Variants in CHURC1 observed in about 807,000 individuals in gnomAD.
CHURC1 encodes the protein churchill domain containing 1.
Under a neutral mutation model 15.4 loss-of-function variants are expected in CHURC1, and 12 were observed. That is an observed-to-expected ratio of 0.78 (90% confidence interval 0.50 to 1.27). CHURC1 has a LOEUF of 1.27. Among genes scored for constraint, CHURC1 ranks in the 50% most tolerant of loss-of-function variants. The probability of loss-of-function intolerance (pLI) is 0.00; values close to 1 mark genes in which losing one functional copy is unlikely to be tolerated. For missense variants in CHURC1, 132 were observed against 137.8 expected (o/e 0.96, Z 0.21); for synonymous variants, 42 against 47.5 (o/e 0.88, Z 0.48).
intron 1 of CHURC1, among the ~76,000 whole-genome samples, chr14:64,916,374 G>C (rs1391694505): frequency 2.6e-5 from 4 of 152,032 alleles, no homozygotes; most frequent in Non-Finnish European, 4.4e-5. Context: ...TTCTTGATTT[G>C]GGTGGTGGTT....
intron 3 of CHURC1, 34 bp downstream of exon 3, chr14:64,926,114 G>A (rs1310866545): frequency 1.4e-6 from 2 of 1,422,512 alleles, no homozygotes; most frequent in South Asian, 2.7e-5. Context: ...TATAAATATG[G>A]GGAGGTTAGG....
At chr14:64,930,828 G>A (rs1226580218) in intron 3 of CHURC1, 3 of 455,028 alleles carry the variant, frequency 6.6e-6, no homozygotes, top group African/African-American at 6.0e-5. Context: ...ATGCCTGGTG[G>A]GTTGAAGCAG....
At chr14:64,918,570 G>A (rs1884057209) in intron 1 of CHURC1, among the ~76,000 whole-genome samples, 1 of 152,184 alleles carries the variant, frequency 6.6e-6, no homozygotes, top group Non-Finnish European at 1.5e-5. Context: ...GCTCACACGT[G>A]TAATCCTAAC....
At chr14:64,918,536 G>GGA (rs1184954478) in intron 1 of CHURC1, among the ~76,000 whole-genome samples, 1 of 152,200 alleles carries the variant, frequency 6.6e-6, no homozygotes, top group African/African-American at 2.4e-5. Context: ...AGGGTAATAA[G>GGA]AAGATGGTGG....
In CHURC1 at chr14:64,934,009, G is replaced by A; in HGVS notation, c.*1779G>A. ...TTTATATTCACTATTCTTTATTTCA[G>A]TGTAGCACTTTTAGAGCCAAAAAAA... is the stretch of plus-strand genomic sequence containing the variant. On this transcript the variant is annotated 3_prime_UTR_variant, in exon 4 of 4. Transcript: ENST00000549115. The A allele has an allele frequency of 3.1e-6, 3 of 981,760 alleles. No individual in the cohort carries two copies. The highest frequency in any genetic ancestry group is 3.6e-6 in the Non-Finnish European group (3 of 829,386). The allele number at this position is 981,760 out of a possible 1,614,324, so 60.8% of individuals were successfully genotyped here.
rs1884674969 is a variant in CHURC1, at chr14:64,926,049, AG to A, written c.216del (p.Glu72AspfsTer37). The A allele has an allele frequency of 6.2e-7, 1 of 1,603,106 alleles. No homozygotes were observed. Among genetic ancestry groups the A allele is most frequent in the African/African-American group, 1.3e-5 (1 of 74,472 alleles). On this transcript the variant is annotated frameshift_variant, in exon 3 of 4. Transcript: ENST00000549115. LOFTEE classifies it high-confidence loss of function. ...TGTCATCATGTAATAGCCAGACATGAGTATACATTCAGTATCATGGATGAAT... is the reference window on the plus strand; with the variant it reads ...TGTCATCATGTAATAGCCAGACATGATATACATTCAGTATCATGGATGAAT... ...KNCHHVIARHEYTFSIMDEFQ... is the reference protein window; with the variant it reads ...KNCHHVIARHXYTFSIMDEFQ...
intron 2 of CHURC1, among the ~76,000 whole-genome samples, chr14:64,925,020 G>A (rs563712319): frequency 2.2e-4 from 34 of 152,178 alleles, no homozygotes; most frequent in Non-Finnish European, 4.1e-4. Context: ...TCTTTAAGCT[G>A]TATTTCATTC....
intron 3 of CHURC1, among the ~76,000 whole-genome samples, chr14:64,927,725 C>CG (rs1555383712): frequency 9.1e-6 from 1 of 109,374 alleles, no homozygotes; most frequent in African/African-American, 3.7e-5. Context: ...CACCCCCCCC[C>CG]CCGCCGTCAA....
intron 1 of CHURC1, among the ~76,000 whole-genome samples, chr14:64,921,361 A>G (rs1356241592): frequency 6.6e-6 from 1 of 152,200 alleles, no homozygotes; most frequent in African/African-American, 2.4e-5. Context: ...ATGAAAATCA[A>G]AACTTGTTTG....
At chr14:64,922,031 G>C (rs1884341526) in intron 1 of CHURC1, among the ~76,000 whole-genome samples, 1 of 152,178 alleles carries the variant, frequency 6.6e-6, no homozygotes. Flanking sequence ...TACTGATTCT[G>C]TTTATATAAA....
In CHURC1 at chr14:64,923,990, G is replaced by A. The variant is rs899583275; in HGVS notation, c.40-1G>A. 6 of 1,547,020 alleles carry A rather than the reference G, an allele frequency of 3.9e-6. No homozygotes were observed. The Admixed American group carries it at 9.7e-5, about 25-fold the overall frequency. On this transcript the variant is annotated splice_acceptor_variant, in intron 1 of 3. Transcript: ENST00000549115. LOFTEE classifies it high-confidence loss of function. ...TTAAATTCCTGTTTCTGATATTTTA[G>A]GGTAATACCTGCCTGGAGAATGGAT...
In CHURC1 at chr14:64,923,975, GT is replaced by G. The variant is rs1884500294; in HGVS notation, c.40-13del. 6.7e-7 allele frequency: 1 copy of G among 1,495,478 alleles called. No individual in the cohort carries two copies. The highest frequency in any genetic ancestry group is 2.2e-5 in the Admixed American group (1 of 45,456). 92.6% of individuals were successfully genotyped at this position (1,495,478 alleles called of 1,614,324 possible). A position where few individuals can be genotyped will look rare whatever the true frequency, so the allele number is the denominator to read the frequency against. ...TGAAATGTAAAGAAATTAAATTCCT[GT>G]TTCTGATATTTTAGGGTAATACCTG... On this transcript the variant is annotated splice_polypyrimidine_tract_variant and intron_variant, in intron 1 of 3. Coordinates refer to ENST00000549115, the MANE Select transcript of CHURC1 (RefSeq NM_001386928.1).
chr14:64,927,386 C>T (rs1471298458), intron 3 of CHURC1, among the ~76,000 whole-genome samples: 2 of 152,168 alleles, frequency 1.3e-5, no homozygotes, highest in African/African-American at 4.8e-5. Context: ...CTTAAAGAAA[C>T]AGTCCTATTC....
Position 64,932,736 on chromosome 14 carries a change from T to G in CHURC1, c.*506T>G, listed in dbSNP as rs1885149486. On this transcript the variant is annotated 3_prime_UTR_variant, in exon 4 of 4. Coordinates refer to ENST00000549115, the MANE Select transcript of CHURC1 (RefSeq NM_001386928.1). ...AGCTGGAGCAATTTGAGTAACAAAATAAAGTAGTATTGGGTTATAACCCAA... is the reference window on the plus strand; with the variant it reads ...AGCTGGAGCAATTTGAGTAACAAAAGAAAGTAGTATTGGGTTATAACCCAA... The G allele has an allele frequency of 6.6e-6, 1 of 152,418 alleles. No individual in the cohort carries two copies. The highest frequency in any genetic ancestry group is 1.5e-5 in the Non-Finnish European group (1 of 68,358). 9.4% of individuals were successfully genotyped at this position (152,418 alleles called of 1,614,324 possible). A position where few individuals can be genotyped will look rare whatever the true frequency, so the allele number is the denominator to read the frequency against.
chr14:64,926,995 T>A (rs1238491159), intron 3 of CHURC1, among the ~76,000 whole-genome samples: 2 of 152,180 alleles, frequency 1.3e-5, no homozygotes, highest in East Asian at 3.8e-4. Context: ...AGTTACTTAT[T>A]TTGTGTGAAC....
chr14:64,923,513 A>G (rs60979440), intron 1 of CHURC1, among the ~76,000 whole-genome samples: 30,419 of 152,018 alleles, frequency 0.2, 4,952 homozygotes, highest in East Asian at 0.58. Context: ...ATTTTGTATT[A>G]TGATCAAGGA....
intron 3 of CHURC1, among the ~76,000 whole-genome samples, chr14:64,927,732 T>TCCCCCCCCCC (rs1566830855): frequency 2.3e-4 from 25 of 106,708 alleles, no homozygotes; most frequent in African/African-American, 2.6e-4. Context: ...CCCCCCGCCG[T>TCCCCCCCCCC]CAATTCATAC....
Position 64,934,954 on chromosome 14 carries a change from A to G in CHURC1, c.*2724A>G. ...GTTTTGTGATATTTTATCATTTTCTAGATTCTTATGTGGATCTAATAACGA... is the reference window on the plus strand; with the variant it reads ...GTTTTGTGATATTTTATCATTTTCTGGATTCTTATGTGGATCTAATAACGA... On this transcript the variant is annotated 3_prime_UTR_variant, in exon 4 of 4. Coordinates refer to ENST00000549115, the MANE Select transcript of CHURC1 (RefSeq NM_001386928.1). 4 of 984,422 alleles carry G rather than the reference A, an allele frequency of 4.1e-6. No homozygotes were observed. The highest frequency in any genetic ancestry group is 4.8e-6 in the Non-Finnish European group (4 of 829,044). 61.0% of individuals were successfully genotyped at this position (984,422 alleles called of 1,614,324 possible).
In CHURC1 at chr14:64,932,235, C is replaced by G. The variant is rs1428811539; in HGVS notation, c.*5C>G. 1.2e-6 allele frequency: 2 copies of G among 1,613,784 alleles called. No individual in the cohort carries two copies. Among genetic ancestry groups the G allele is most frequent in the Middle Eastern group, 1.7e-4 (1 of 6,060 alleles). On this transcript the variant is annotated 3_prime_UTR_variant, in exon 4 of 4. Transcript: ENST00000549115. ...CAAATGACTCTCTTATTCTAAGGATCCTTCTACAGATCTGTTATAACTATA... is the reference window on the plus strand; with the variant it reads ...CAAATGACTCTCTTATTCTAAGGATGCTTCTACAGATCTGTTATAACTATA...
Sources: gnomAD v4.1 joint callset for allele counts (sites outside exome capture counted in the v4.1 genomes callset) on GRCh38, gnomAD v4.1.1 for gene constraint, MANE v1.5 for transcripts, NCBI Gene and HGNC (gene_info 2026-07-23, HGNC 2026-07-21) for gene names.